The following MTNAP1 variants were observed in gnomAD, a reference collection of about 807,000 sequenced individuals.
MTNAP1 encodes mitochondrial nucleoid-associated protein 1.
chr17:73,242,776 C>T, the MTNAP1 span: 2 of 683,648 alleles, frequency 2.9e-6, no homozygotes, highest in African/African-American at 1.8e-5. Context: ...AAAATATGTG[C>T]GTGTAAATCT....
the MTNAP1 span, among the ~76,000 whole-genome samples, chr17:73,238,240 A>G: frequency 5.9e-5 from 9 of 151,794 alleles, no homozygotes; most frequent in Non-Finnish European, 7.4e-5. Context: ...AAGTTTCTTA[A>G]GCTTTTCTAG....
At chr17:73,236,715 A>ATC in the MTNAP1 span, 1 of 1,614,202 alleles carries the variant, frequency 6.2e-7, no homozygotes. Flanking sequence ...AGGGACAGTT[A>ATC]TCTCTGGAGC....
chr17:73,244,066 G>T, the MTNAP1 span, among the ~76,000 whole-genome samples: 1 of 152,160 alleles, frequency 6.6e-6, no homozygotes. Context: ...AAAACAAAGT[G>T]CCATTCTCCA....
At chr17:73,238,712 G>A in the MTNAP1 span, among the ~76,000 whole-genome samples, 1 of 152,182 alleles carries the variant, frequency 6.6e-6, no homozygotes, top group Admixed American at 6.5e-5. Context: ...GGTGGACAGA[G>A]AGGTGGGCAG....
the MTNAP1 span, chr17:73,247,420 T>C: frequency 2.8e-6 from 4 of 1,408,972 alleles, no homozygotes; most frequent in South Asian, 1.2e-5. Flanking sequence ...TGAATTGCCC[T>C]GTAACACCTA....
the MTNAP1 span, chr17:73,245,028 G>T: frequency 1.4e-6 from 1 of 738,788 alleles, no homozygotes; most frequent in Admixed American, 2.7e-5. Context: ...TGAAGAAAGT[G>T]AAACAAACTT....
At chr17:73,240,627 C>T in the MTNAP1 span, among the ~76,000 whole-genome samples, 1 of 152,236 alleles carries the variant, frequency 6.6e-6, no homozygotes, top group Non-Finnish European at 1.5e-5. Context: ...CTCACTCAGG[C>T]AAGACCTTTG....
At chr17:73,235,097 CT>C in the MTNAP1 span, among the ~76,000 whole-genome samples, 1 of 143,602 alleles carries the variant, frequency 7.0e-6, no homozygotes, top group African/African-American at 2.6e-5. Context: ...TGGCATGCCC[CT>C]GTAGTCCCAA....
chr17:73,236,641 A>G, the MTNAP1 span: 3 of 1,614,172 alleles, frequency 1.9e-6, no homozygotes, highest in South Asian at 3.3e-5. Flanking sequence ...TCTTCAAGAA[A>G]AGAAAGCAGA....
the MTNAP1 span, among the ~76,000 whole-genome samples, chr17:73,246,538 A>C: frequency 2.6e-5 from 4 of 152,176 alleles, no homozygotes; most frequent in African/African-American, 9.7e-5. Flanking sequence ...CCTTGTCTCA[A>C]AAATCCCAAA....
At chr17:73,236,469 C>CCATGGCT in the MTNAP1 span, 1 of 1,614,116 alleles carries the variant, frequency 6.2e-7, no homozygotes, top group Admixed American at 1.7e-5. Flanking sequence ...CTGTCATGAG[C>CCATGGCT]CATGGCTGTG....
the MTNAP1 span, chr17:73,235,593 T>C: frequency 6.2e-7 from 1 of 1,614,016 alleles, no homozygotes; most frequent in Non-Finnish European, 8.5e-7. Context: ...CCATACCTAC[T>C]GATCAAAAAG....
the MTNAP1 span, chr17:73,233,182 A>T: frequency 6.6e-6 from 1 of 152,246 alleles, no homozygotes; most frequent in Non-Finnish European, 1.5e-5. Flanking sequence ...CTCACTGTGC[A>T]TGCTGCCAAG....
chr17:73,242,394 G>C, the MTNAP1 span: 1 of 1,351,798 alleles, frequency 7.4e-7, no homozygotes, highest in African/African-American at 1.5e-5. Context: ...GCAGGTTCTG[G>C]GCATTTGGAA....
chr17:73,241,670 C>T, the MTNAP1 span, among the ~76,000 whole-genome samples: 1 of 152,144 alleles, frequency 6.6e-6, no homozygotes, highest in Non-Finnish European at 1.5e-5. Context: ...TGGTTCATGC[C>T]TATAATCCCA....
the MTNAP1 span, among the ~76,000 whole-genome samples, chr17:73,238,799 A>G: frequency 2.0e-5 from 3 of 152,356 alleles, no homozygotes; most frequent in African/African-American, 4.8e-5. Context: ...TGTGTTGCCA[A>G]TAAATAGTAG....
chr17:73,234,331 T>TTA, the MTNAP1 span, among the ~76,000 whole-genome samples: 20 of 152,104 alleles, frequency 1.3e-4, no homozygotes, highest in South Asian at 2.1e-4. Context: ...GTTTTTTTTT[T>TTA]AATTTTTTAC....
the MTNAP1 span, chr17:73,242,394 G>T: frequency 7.4e-7 from 1 of 1,351,798 alleles, no homozygotes; most frequent in South Asian, 1.3e-5. Context: ...GCAGGTTCTG[G>T]GCATTTGGAA....
At chr17:73,245,610 A>C in the MTNAP1 span, 770 of 985,404 alleles carry the variant, frequency 7.8e-4, 6 homozygotes, top group African/African-American at 0.013. Context: ...AAAGTATCTG[A>C]ATTGGCAGAA....
Sources: allele counts gnomAD v4.1 joint callset (sites outside exome capture counted in the v4.1 genomes callset), GRCh38; gene constraint gnomAD v4.1.1; transcripts MANE v1.5; gene names NCBI Gene and HGNC (gene_info 2026-07-23, HGNC 2026-07-21).